The following FAF1 variants were observed in gnomAD, a reference collection of about 807,000 sequenced individuals.
FAF1 encodes the protein Fas associated factor 1, also known as FAS-associated factor 1.
FAF1 carries 25 observed loss-of-function variants against 92.5 expected under a neutral mutation model. The observed-to-expected ratio is 0.27, with a 90% CI of 0.20 to 0.38. FAF1 has a LOEUF of 0.38. Among genes scored for constraint, FAF1 ranks in the 10% least tolerant of loss-of-function variants. The pLI is 1.00. For missense variants in FAF1, 636 were observed against 793.3 expected, an observed-to-expected ratio of 0.80 and a Z score of 2.38; for synonymous variants, 234 against 273.2, an observed-to-expected ratio of 0.86 and a Z score of 1.42.
rs766759319 is a variant in FAF1 at position 50,539,705 on chromosome 1, T to A, written c.1292A>T (p.His431Leu). 2 of 1,612,670 alleles carry A rather than the reference T, an allele frequency of 1.2e-6. No individual in the cohort carries two copies. The highest frequency in any genetic ancestry group is 1.7e-6 in the Non-Finnish European group (2 of 1,178,960). Reference sequence around the variant, plus strand: ...GGTTTGTGCCACAACACTGCCAAAGTGTCTATTGCACATAGTGAGAAATCT... The same window carrying A: ...GGTTTGTGCCACAACACTGCCAAAGAGTCTATTGCACATAGTGAGAAATCT... ...RARFLTMCNR[H>L]FGSVVAQTIR... is the part of the protein sequence containing the mutation. The change falls in exon 14 of 19, where the codon CAC becomes CTC. Residue 431 changes from histidine to leucine, a missense_variant. By Grantham distance (99) the His-to-Leu change is moderately conservative (BLOSUM62 -3). Coordinates refer to ENST00000396153, the MANE Select transcript of FAF1 (RefSeq NM_007051.3).
chr1:50,456,895 C>T (rs567299389), intron 18 of FAF1, among the ~76,000 whole-genome samples: 20 of 152,320 alleles, frequency 1.3e-4, no homozygotes, highest in Non-Finnish European at 1.6e-4. Flanking sequence ...TCCTCCTTGT[C>T]TCAAACTTCG....
intron 1 of FAF1, among the ~76,000 whole-genome samples, chr1:50,916,269 C>T (rs1003204726): frequency 1.3e-5 from 2 of 152,126 alleles, no homozygotes; most frequent in Non-Finnish European, 2.9e-5. Flanking sequence ...TTATTATTCC[C>T]ATCTTCTAGA....
chr1:50,602,327 G>A (rs890354914), intron 8 of FAF1, among the ~76,000 whole-genome samples: 9 of 152,128 alleles, frequency 5.9e-5, no homozygotes, highest in African/African-American at 2.2e-4. Flanking sequence ...AATGCTACCG[G>A]ATATTAGCAC....
At chr1:50,694,909 C>T (rs1439757364) in intron 7 of FAF1, among the ~76,000 whole-genome samples, 1 of 151,724 alleles carries the variant, frequency 6.6e-6, no homozygotes, top group Non-Finnish European at 1.5e-5. Context: ...TTGCAGGGAG[C>T]CGACACAGTG....
chr1:50,934,185 G>A (rs530269918), intron 1 of FAF1, among the ~76,000 whole-genome samples: 24 of 151,974 alleles, frequency 1.6e-4, no homozygotes, highest in Admixed American at 2.6e-4. Context: ...TAATATTACC[G>A]CACCCCATAT....
intron 13 of FAF1, among the ~76,000 whole-genome samples, chr1:50,553,219 G>A (rs1290788616): frequency 6.6e-6 from 1 of 152,040 alleles, no homozygotes; most frequent in African/African-American, 2.4e-5. Context: ...AAATAGGAGT[G>A]GTAGGAAGTG....
intron 15 of FAF1, among the ~76,000 whole-genome samples, chr1:50,515,140 A>G (rs1647200629): frequency 6.6e-6 from 1 of 152,166 alleles, no homozygotes; most frequent in African/African-American, 2.4e-5. Flanking sequence ...TAGTTGTATG[A>G]GATACATATA....
chr1:50,744,055 A>C (rs1356426235), intron 5 of FAF1, among the ~76,000 whole-genome samples: 1 of 151,980 alleles, frequency 6.6e-6, no homozygotes, highest in East Asian at 1.9e-4. Context: ...TGGGCAACAG[A>C]GCGAGACTGT....
chr1:50,954,508 T>C (rs1645247810), intron 1 of FAF1, among the ~76,000 whole-genome samples: 1 of 151,338 alleles, frequency 6.6e-6, no homozygotes, highest in Non-Finnish European at 1.5e-5. Context: ...AGACCCTGTG[T>C]TTCTAAAACA....
chr1:50,858,732 A>C (rs909640463), intron 1 of FAF1, among the ~76,000 whole-genome samples: 1 of 151,878 alleles, frequency 6.6e-6, no homozygotes, highest in Non-Finnish European at 1.5e-5. Flanking sequence ...ACATATATGA[A>C]ATTATATTTC....
intron 1 of FAF1, among the ~76,000 whole-genome samples, chr1:50,895,173 A>G (rs896302426): frequency 6.6e-6 from 1 of 152,152 alleles, no homozygotes; most frequent in African/African-American, 2.4e-5. Context: ...AAAGTCAGAG[A>G]TTAAAAAAAA....
chr1:50,483,822 T>TTCCAAGGTTTCTGGC (rs1646728320), intron 17 of FAF1, among the ~76,000 whole-genome samples: 2 of 152,156 alleles, frequency 1.3e-5, no homozygotes, highest in South Asian at 2.1e-4. Flanking sequence ...TCAAGGATAA[T>TTCCAAGGTTTCTGGC]TCCAAGGTTT....
chr1:50,567,261 A>G (rs993554757), intron 12 of FAF1, 30 bp from the exon 13 acceptor site: 1 of 1,540,662 alleles, frequency 6.5e-7, no homozygotes, highest in Non-Finnish European at 8.8e-7. Context: ...CTGATCAATT[A>G]AAATATCCAC....
chr1:50,796,922 G>A (rs1418356898), intron 3 of FAF1, among the ~76,000 whole-genome samples: 1 of 152,088 alleles, frequency 6.6e-6, no homozygotes, highest in East Asian at 1.9e-4. Context: ...TTGTGCTCAG[G>A]AGTTCAAGAC....
chr1:50,724,296 TACACACACACAC>T (rs974347882), intron 6 of FAF1, among the ~76,000 whole-genome samples: 12 of 117,214 alleles, frequency 1.0e-4, no homozygotes, highest in East Asian at 2.4e-4. Context: ...CACACACACA[TACACACACACAC>T]ACACACACAC....
intron 1 of FAF1, among the ~76,000 whole-genome samples, chr1:50,870,381 C>T (rs113686078): frequency 2.4e-3 from 364 of 152,272 alleles, no homozygotes; most frequent in African/African-American, 7.3e-3. Context: ...CACTTGAACG[C>T]GCGAGGCACA....
chr1:50,553,055 A>G (rs765433445), intron 13 of FAF1, among the ~76,000 whole-genome samples: 42 of 152,198 alleles, frequency 2.8e-4, no homozygotes, highest in African/African-American at 2.4e-5. Flanking sequence ...AAAGTATCAC[A>G]AGGAAATTAC....
At chr1:50,795,667 T>G (rs1661720993) in intron 3 of FAF1, among the ~76,000 whole-genome samples, 1 of 152,212 alleles carries the variant, frequency 6.6e-6, no homozygotes, top group South Asian at 2.1e-4. Flanking sequence ...TGACAGTGAT[T>G]CCTCTTACAT....
chr1:50,539,394 T>G (rs1394962651), intron 14 of FAF1, among the ~76,000 whole-genome samples, 198 bp downstream of exon 14: 1 of 152,264 alleles, frequency 6.6e-6, no homozygotes, highest in African/African-American at 2.4e-5. Flanking sequence ...TGCAATTTTA[T>G]TAAGATGTTT....
Sources: allele counts gnomAD v4.1 joint callset (sites outside exome capture counted in the v4.1 genomes callset), GRCh38; gene constraint gnomAD v4.1.1; transcripts MANE v1.5; gene names NCBI Gene and HGNC (gene_info 2026-07-23, HGNC 2026-07-21).